ERGIC3: variants seen among roughly 807,000 people sequenced by gnomAD.
ERGIC3 encodes ERGIC and golgi 3.
ERGIC3 carries 33 observed loss-of-function variants against 54.7 expected under a neutral mutation model. The ratio of observed to expected loss-of-function variants is 0.60; its 90% CI spans 0.46 to 0.81. The LOEUF is 0.81. Ranked by LOEUF, ERGIC3 falls within the 30% of genes least tolerant of loss-of-function variation. The pLI is 0.00. For missense variants in ERGIC3, 399 were observed against 488.4 expected, an observed-to-expected ratio of 0.82 and a Z score of 1.73; for synonymous variants, 186 against 189.8, an observed-to-expected ratio of 0.98 and a Z score of 0.16.
At position 35,556,284 on chromosome 20, in the gene ERGIC3, G is replaced by A; in HGVS notation, c.879+13G>A. ...GGTGGACGGAGAGGTGAGTCAGGGA[G>A]CTCCCTACCAGAGTCTCCTGCGCGG... On this transcript the variant is annotated intron_variant, in intron 10 of 12. Coordinates refer to ENST00000348547, the MANE Select transcript of ERGIC3 (RefSeq NM_015966.3). 6.2e-7 allele frequency: 1 copy of A among 1,613,982 alleles called. No individual in the cohort carries two copies. Among genetic ancestry groups the A allele is most frequent in the African/African-American group, 1.3e-5 (1 of 75,048 alleles).
rs372528560 is a variant in ERGIC3, at chr20:35,557,123, C to A, written c.1016+14C>A. On this transcript the variant is annotated intron_variant, in intron 11 of 12. Coordinates refer to ENST00000348547, the MANE Select transcript of ERGIC3 (RefSeq NM_015966.3). ...GGAGAAGCACAGGTGAGGATGGGGGCAAAGCGGCCTCTGGGGGCCTGGGCC... is the reference window on the plus strand; with the variant it reads ...GGAGAAGCACAGGTGAGGATGGGGGAAAAGCGGCCTCTGGGGGCCTGGGCC... 6.2e-7 allele frequency: 1 copy of A among 1,614,108 alleles called. No homozygotes were observed. The highest frequency in any genetic ancestry group is 1.3e-5 in the African/African-American group (1 of 74,944).
In ERGIC3 at chr20:35,548,500, G is replaced by A; in HGVS notation, c.462-9G>A. 2 of 1,613,724 alleles carry A rather than the reference G, an allele frequency of 1.2e-6. No homozygotes were observed. Among genetic ancestry groups the A allele is most frequent in the South Asian group, 2.2e-5 (2 of 91,032 alleles). On this transcript the variant is annotated splice_polypyrimidine_tract_variant and intron_variant, in intron 5 of 12. Coordinates refer to ENST00000348547, the MANE Select transcript of ERGIC3 (RefSeq NM_015966.3). ...TTTAACACTCTCACCGTCACTCCCT[G>A]CCCTACAGGTGCTGTAACACCTGTG...
rs1267526747 is a variant in ERGIC3, at chr20:35,542,598, C to G, written c.245C>G (p.Ala82Gly). The change falls in exon 3 of 13, where the codon GCC becomes GGC. Residue 82 changes from alanine to glycine, a missense_variant and splice_region_variant. Transcript: ENST00000348547. ...IDVLFPHMPC[A>G]YLSIDAMDVA... The stretch of plus-strand genomic sequence containing the variant: ...GTACTTTTTCCGCACATGCCTTGTG[C>G]CTGTGAGTACCTCACCATGGGTGGG... 2 of 1,613,814 alleles carry G rather than the reference C, an allele frequency of 1.2e-6. No homozygotes were observed. The highest frequency in any genetic ancestry group is 1.7e-6 in the Non-Finnish European group (2 of 1,179,992).
At chr20:35,556,495 A>G (rs2146207894) in intron 10 of ERGIC3, 2 of 571,482 alleles carry the variant, frequency 3.5e-6, no homozygotes, top group East Asian at 3.0e-5. Context: ...CACCGCTTCT[A>G]TCCGTTCCTC....
chr20:35,555,384 G>A (rs1343793638), intron 8 of ERGIC3, among the ~76,000 whole-genome samples: 2 of 152,130 alleles, frequency 1.3e-5, no homozygotes, highest in African/African-American at 2.4e-5. Context: ...TGGAGAAGTC[G>A]GCAGGGACCA....
chr20:35,548,990 C>A, intron 7 of ERGIC3, 125 bp downstream of exon 7: 1 of 1,131,884 alleles, frequency 8.8e-7, no homozygotes, highest in Non-Finnish European at 1.3e-6. Flanking sequence ...AGGCCTTCAT[C>A]TCAGGGCAGC....
At chr20:35,543,085 A>G in intron 4 of ERGIC3, 144 bp downstream of exon 4, 1 of 1,164,898 alleles carries the variant, frequency 8.6e-7, no homozygotes, top group Non-Finnish European at 1.2e-6. Flanking sequence ...AGGGTCCCCC[A>G]GCTAGTAAGA....
chr20:35,546,816 T>C lies in ERGIC3; in HGVS notation c.368-596T>C, dbSNP rs1408329838. The stretch of plus-strand genomic sequence containing the variant: ...TTGAATTTTGGAAGATTTGCAGTTA[T>C]TGGCAGTGACAGGATCTAGGTATGA... On this transcript the variant is annotated intron_variant, in intron 4 of 12. Transcript: ENST00000348547. 2.6e-5 allele frequency among the ~76,000 whole-genome samples: 4 copies of C among 152,286 alleles called. No individual in the cohort carries two copies. The South Asian group carries it at 6.2e-4, about 24-fold the overall frequency.
At chr20:35,552,402 C>T (rs1213698809) in intron 7 of ERGIC3, among the ~76,000 whole-genome samples, 1 of 152,166 alleles carries the variant, frequency 6.6e-6, no homozygotes, top group Non-Finnish European at 1.5e-5. Context: ...GCTGTGAATG[C>T]AAAGAGAGCG....
In ERGIC3 at chr20:35,547,637, C is replaced by G. The variant is rs181432942; in HGVS notation, c.461+132C>G. Reference sequence around the variant, plus strand: ...GAGTGGGCGGGGTATGTGCCTCTGTCATTGATCCTGGTGCAAGCGACTGAG... The same window carrying G: ...GAGTGGGCGGGGTATGTGCCTCTGTGATTGATCCTGGTGCAAGCGACTGAG... On this transcript the variant is annotated intron_variant, in intron 5 of 12. Coordinates refer to ENST00000348547, the MANE Select transcript of ERGIC3 (RefSeq NM_015966.3). 5.4e-6 allele frequency: 4 copies of G among 739,722 alleles called. No homozygotes were observed. The East Asian group carries it at 1.1e-4, about 20-fold the overall frequency. 45.8% of individuals were successfully genotyped at this position (739,722 alleles called of 1,614,324 possible).
chr20:35,546,691 C>T (rs900553479), intron 4 of ERGIC3, among the ~76,000 whole-genome samples: 2 of 151,992 alleles, frequency 1.3e-5, no homozygotes, highest in Non-Finnish European at 2.9e-5. Context: ...GAAGTGAGGA[C>T]GTGATAGTGT....
At position 35,554,453 on chromosome 20, in the gene ERGIC3, CG is replaced by C. The variant is rs147243069; in HGVS notation, c.686-587del. ...GGGGCAGCCTGCCCTACTAGAATGG[CG>C]GGGAGGTTGGATGGGGCTGTGATTG... On this transcript the variant is annotated intron_variant, in intron 7 of 12. Transcript: ENST00000348547. The C allele has an allele frequency of 5.3e-3, 8,437 of 1,591,808 alleles. 334 individuals carry two copies. In the African/African-American group the frequency reaches 0.097, roughly 18 times the overall value.
chr20:35,545,666 C>T (rs114041810), intron 4 of ERGIC3, among the ~76,000 whole-genome samples: 2,413 of 152,264 alleles, frequency 0.016, 51 homozygotes, highest in African/African-American at 0.055. Flanking sequence ...CACAGGTCAG[C>T]CTTACTCATT....
chr20:35,556,683 G>A lies in ERGIC3; in HGVS notation c.880-290G>A, dbSNP rs534496019. The A allele has an allele frequency of 8.6e-5, 45 of 526,188 alleles. 1 individual carries two copies. Among genetic ancestry groups the A allele is most frequent in the African/African-American group, 5.2e-4 (27 of 52,386 alleles). The allele number at this position is 526,188 out of a possible 1,614,324, so 32.6% of individuals were successfully genotyped here. A position where few individuals can be genotyped will look rare whatever the true frequency, so the allele number is the denominator to read the frequency against. On this transcript the variant is annotated intron_variant, in intron 10 of 12. Transcript: ENST00000348547. ...GAGGAAGTCAGGTCAGCCTTGGTGC[G>A]TCTTTGGAGAGCTGCTTCTCAGCCT...
intron 7 of ERGIC3, 71 bp from the exon 8 acceptor site, chr20:35,554,973 G>T (rs781253479): frequency 1.3e-5 from 20 of 1,562,750 alleles, no homozygotes; most frequent in Non-Finnish European, 1.7e-5. Context: ...CAGTCCAGGG[G>T]GAGGAAGGAG....
At chr20:35,554,236 G>C in intron 7 of ERGIC3, 2 of 1,162,482 alleles carry the variant, frequency 1.7e-6, no homozygotes, top group Non-Finnish European at 2.6e-6. Flanking sequence ...CCAGAAGGAG[G>C]CTTGTTAGCT....
chr20:35,554,318 C>T lies in ERGIC3; in HGVS notation c.686-726C>T, dbSNP rs2064699362. On this transcript the variant is annotated intron_variant, in intron 7 of 12. Coordinates refer to ENST00000348547, the MANE Select transcript of ERGIC3 (RefSeq NM_015966.3). The stretch of plus-strand genomic sequence containing the variant: ...TGCAACATATCTTGCTCTCATAGTT[C>T]TCATTGTGAAGCTCTGAATCTTTCT... The T allele has an allele frequency of 1.7e-5, 28 of 1,611,096 alleles. 1 individual carries two copies. Among genetic ancestry groups the T allele is most frequent in the South Asian group, 1.4e-4 (13 of 91,042 alleles).
chr20:35,555,957 C>T (rs948991932), intron 8 of ERGIC3, 76 bp from the exon 9 acceptor site: 26 of 1,407,756 alleles, frequency 1.8e-5, no homozygotes, highest in Middle Eastern at 1.8e-4. Flanking sequence ...CCCACATCTC[C>T]GCAGACGGAC....
At chr20:35,544,093 C>T in intron 4 of ERGIC3, 1 of 195,584 alleles carries the variant, frequency 5.1e-6, no homozygotes, top group Admixed American at 5.6e-5. Context: ...CTCACTTTGT[C>T]GCCCAGGCTG....
Sources: gnomAD v4.1 joint callset for allele counts (sites outside exome capture counted in the v4.1 genomes callset) on GRCh38, gnomAD v4.1.1 for gene constraint, MANE v1.5 for transcripts, NCBI Gene and HGNC (gene_info 2026-07-23, HGNC 2026-07-21) for gene names.